The following LRMDA variants were observed in gnomAD, a reference collection of about 807,000 sequenced individuals.
LRMDA encodes the protein leucine-rich melanocyte differentiation-associated protein.
LRMDA carries 18 observed loss-of-function variants against 29.8 expected under a neutral mutation model. The observed-to-expected ratio is 0.60, with a 90% CI of 0.42 to 0.90. The LOEUF (loss-of-function observed/expected upper bound fraction) is 0.90. Among genes scored for constraint, LRMDA ranks in the 40% least tolerant of loss-of-function variants. LRMDA has a pLI of 0.00. For missense variants in LRMDA, 273 were observed against 273.9 expected, an observed-to-expected ratio of 1.00 and a Z score of 0.02; for synonymous variants, 125 against 109.4, an observed-to-expected ratio of 1.14 and a Z score of -0.89.
intron 5 of LRMDA, among the ~76,000 whole-genome samples, chr10:76,302,864 A>C (rs1482821767): frequency 2.0e-5 from 3 of 152,224 alleles, no homozygotes; most frequent in Non-Finnish European, 4.4e-5. Flanking sequence ...CTTTATAAAA[A>C]TATAGACAGT....
intron 5 of LRMDA, among the ~76,000 whole-genome samples, chr10:76,181,335 A>G (rs1256001988): frequency 6.6e-6 from 1 of 152,176 alleles, no homozygotes; most frequent in Non-Finnish European, 1.5e-5. Context: ...TTTCCCCAGG[A>G]TCTCAGTTGG....
At chr10:75,710,572 A>G (rs1842423704) in intron 2 of LRMDA, among the ~76,000 whole-genome samples, 1 of 150,638 alleles carries the variant, frequency 6.6e-6, no homozygotes, top group Admixed American at 6.6e-5. Context: ...GTATAGGAGC[A>G]CGGCAGAGGA....
chr10:75,677,869 G>A (rs947374164), intron 2 of LRMDA, among the ~76,000 whole-genome samples: 8 of 152,204 alleles, frequency 5.3e-5, no homozygotes, highest in African/African-American at 1.7e-4. Context: ...GTTTATATGC[G>A]ATTAAGGTGG....
chr10:76,423,079 C>T (rs1479445691), intron 6 of LRMDA, among the ~76,000 whole-genome samples: 1 of 152,142 alleles, frequency 6.6e-6, no homozygotes, highest in Non-Finnish European at 1.5e-5. Flanking sequence ...CAAAAAACTC[C>T]ACGAAGATGA....
chr10:76,133,266 T>TTG, intron 5 of LRMDA, among the ~76,000 whole-genome samples: 1 of 127,642 alleles, frequency 7.8e-6, no homozygotes, highest in African/African-American at 3.5e-5. Flanking sequence ...TATATTTATT[T>TTG]CGTGTGTGTG....
intron 5 of LRMDA, among the ~76,000 whole-genome samples, chr10:76,147,805 T>C (rs1173199620): frequency 6.6e-6 from 1 of 152,136 alleles, no homozygotes; most frequent in Non-Finnish European, 1.5e-5. Context: ...TTTTTTCCCA[T>C]CTTTGTGGTT....
chr10:75,798,352 A>G (rs1341483678), intron 2 of LRMDA, among the ~76,000 whole-genome samples: 1 of 152,046 alleles, frequency 6.6e-6, no homozygotes, highest in Non-Finnish European at 1.5e-5. Context: ...TTGCTTTTAT[A>G]GATAATGCTT....
At chr10:76,476,553 G>A (rs1842674168) in intron 6 of LRMDA, among the ~76,000 whole-genome samples, 1 of 152,082 alleles carries the variant, frequency 6.6e-6, no homozygotes, top group Admixed American at 6.6e-5. Flanking sequence ...CATTTTATGA[G>A]GCCAGCATCA....
intron 2 of LRMDA, among the ~76,000 whole-genome samples, chr10:75,581,375 C>T (rs897365414): frequency 1.3e-5 from 2 of 152,228 alleles, no homozygotes; most frequent in Non-Finnish European, 2.9e-5. Flanking sequence ...GATACCATCT[C>T]ACCCCAGTTA....
chr10:75,455,259 G>C (rs914696795), intron 2 of LRMDA, among the ~76,000 whole-genome samples: 10 of 152,202 alleles, frequency 6.6e-5, no homozygotes, highest in South Asian at 2.1e-4. Flanking sequence ...CTGAGAACTT[G>C]ACCACTGTCC....
At chr10:76,442,283 C>T (rs368487273) in intron 6 of LRMDA, among the ~76,000 whole-genome samples, 2 of 152,200 alleles carry the variant, frequency 1.3e-5, no homozygotes, top group East Asian at 3.9e-4. Flanking sequence ...GGTCCTGTGA[C>T]TGAGATTGAT....
At chr10:76,095,696 A>G (rs183801631) in intron 5 of LRMDA, among the ~76,000 whole-genome samples, 10 of 152,218 alleles carry the variant, frequency 6.6e-5, no homozygotes, top group African/African-American at 2.4e-4. Context: ...TTTAGTTTCA[A>G]TTTTTGCCTT....
At chr10:76,038,535 C>T (rs1366428883) in intron 3 of LRMDA, among the ~76,000 whole-genome samples, 1 of 152,116 alleles carries the variant, frequency 6.6e-6, no homozygotes, top group Non-Finnish European at 1.5e-5. Context: ...TTCCTTTTTT[C>T]TCCTCTGCTC....
chr10:75,573,374 T>A (rs1840461136), intron 2 of LRMDA, among the ~76,000 whole-genome samples: 1 of 152,242 alleles, frequency 6.6e-6, no homozygotes, highest in African/African-American at 2.4e-5. Flanking sequence ...TTTTGATTAT[T>A]GTCATATTCT....
At position 76,458,488 on chromosome 10, in the gene LRMDA, A is replaced by G. The variant is rs138496499; in HGVS notation, c.602-98721A>G. Among the ~76,000 whole-genome samples, 9 of 152,312 alleles carry G rather than the reference A, an allele frequency of 5.9e-5. No individual in the cohort carries two copies. The East Asian group carries it at 1.7e-3, about 29-fold the overall frequency. ...TGATTGATTTGGCCATCGTACTGCT[A>G]TGGATATGGAATAGAACCAATATGA... On this transcript the variant is annotated intron_variant, in intron 6 of 6. Transcript: ENST00000611255.
intron 6 of LRMDA, among the ~76,000 whole-genome samples, chr10:76,369,640 T>C (rs1326499952): frequency 6.6e-6 from 1 of 152,222 alleles, no homozygotes; most frequent in Non-Finnish European, 1.5e-5. Context: ...TTGCTTCTTG[T>C]ATTTGGCTGT....
intron 5 of LRMDA, among the ~76,000 whole-genome samples, chr10:76,095,578 A>C (rs1406284243): frequency 6.6e-6 from 1 of 152,244 alleles, no homozygotes; most frequent in African/African-American, 2.4e-5. Context: ...CTGTTTTTCA[A>C]AGTGGCTGGC....
chr10:75,551,667 C>G (rs1006592526), intron 2 of LRMDA, among the ~76,000 whole-genome samples: 5 of 152,092 alleles, frequency 3.3e-5, no homozygotes, highest in Non-Finnish European at 7.4e-5. Flanking sequence ...ATGAACTCAT[C>G]CGTTTTTATG....
At chr10:76,320,115 C>T (rs904958588) in intron 5 of LRMDA, among the ~76,000 whole-genome samples, 2 of 152,162 alleles carry the variant, frequency 1.3e-5, no homozygotes, top group African/African-American at 2.4e-5. Context: ...GTGAAATTCT[C>T]GCTTTGCACG....
Sources: gnomAD v4.1 joint callset for allele counts (sites outside exome capture counted in the v4.1 genomes callset) on GRCh38, gnomAD v4.1.1 for gene constraint, MANE v1.5 for transcripts, NCBI Gene and HGNC (gene_info 2026-07-23, HGNC 2026-07-21) for gene names.